BTBD9: variants seen among roughly 807,000 people sequenced by gnomAD.
BTBD9 encodes BTB/POZ domain-containing protein 9.
BTBD9 carries 49 observed loss-of-function variants against 64.3 expected under a neutral mutation model. That is an observed-to-expected ratio of 0.76 (90% CI 0.61 to 0.97). BTBD9 has a LOEUF of 0.97. Ranked by LOEUF, BTBD9 falls within the 50% of genes least tolerant of loss-of-function variation. The pLI is 0.00. For synonymous variants in BTBD9, 260 were observed against 274.7 expected (o/e 0.95, Z 0.53); for missense variants, 598 against 762.1 (o/e 0.78, Z 2.53).
At chr6:38,437,461 T>G (rs1446329136) in intron 6 of BTBD9, among the ~76,000 whole-genome samples, 1 of 152,238 alleles carries the variant, frequency 6.6e-6, no homozygotes, top group Non-Finnish European at 1.5e-5. Flanking sequence ...CCATTACTAT[T>G]AATTTTTACT....
intron 9 of BTBD9, among the ~76,000 whole-genome samples, chr6:38,221,916 G>A (rs1485026427): frequency 6.6e-6 from 1 of 152,102 alleles, no homozygotes; most frequent in African/African-American, 2.4e-5. Flanking sequence ...GCTTGAACCT[G>A]GGAGGCGGAG....
intron 6 of BTBD9, among the ~76,000 whole-genome samples, chr6:38,420,520 T>C (rs934916106): frequency 3.3e-5 from 5 of 152,144 alleles, no homozygotes; most frequent in African/African-American, 1.2e-4. Flanking sequence ...GCCATTAAAA[T>C]TGGTACCTGT....
At chr6:38,274,294 T>C (rs1206653781) in intron 8 of BTBD9, among the ~76,000 whole-genome samples, 1 of 152,188 alleles carries the variant, frequency 6.6e-6, no homozygotes, top group Non-Finnish European at 1.5e-5. Context: ...GACAATGGGA[T>C]TTTCTAGATA....
chr6:38,274,397 C>A (rs1765304110), intron 8 of BTBD9, among the ~76,000 whole-genome samples: 2 of 152,158 alleles, frequency 1.3e-5, no homozygotes, highest in South Asian at 4.2e-4. Flanking sequence ...ATTGCCCTGG[C>A]CAGAACTTCC....
Position 38,249,838 on chromosome 6 carries a change from C to T in BTBD9, c.1562+6571G>A, listed in dbSNP as rs116739897. ...TCAACAACGGGTAAATGTGGAGCTA[C>T]TCTGGCTTAGAAGCTTCACATTCCA... On this transcript the variant is annotated intron_variant, in intron 9 of 10. Coordinates refer to ENST00000481247, the MANE Select transcript of BTBD9 (RefSeq NM_001099272.2). 6.6e-3 allele frequency among the ~76,000 whole-genome samples: 1,006 copies of T among 151,496 alleles called. 3 individuals carry two copies. The highest frequency in any genetic ancestry group is 0.011 in the Non-Finnish European group (731 of 67,920).
intron 9 of BTBD9, among the ~76,000 whole-genome samples, chr6:38,226,118 CCT>C (rs2127512678): frequency 6.6e-6 from 1 of 152,276 alleles, no homozygotes; most frequent in South Asian, 2.1e-4. Flanking sequence ...TCTCACCTGC[CCT>C]CTCTGTTTCT....
chr6:38,330,046 T>C (rs1239430106), intron 7 of BTBD9, among the ~76,000 whole-genome samples: 2 of 134,896 alleles, frequency 1.5e-5, no homozygotes, highest in Non-Finnish European at 3.3e-5. Context: ...TTTCCTTTTT[T>C]TCTTTTCTTT....
intron 7 of BTBD9, among the ~76,000 whole-genome samples, chr6:38,336,708 G>A (rs1247050726): frequency 1.3e-5 from 2 of 152,170 alleles, no homozygotes; most frequent in Admixed American, 1.3e-4. Flanking sequence ...TCCACTAGGA[G>A]GTCTTCCTGA....
intron 6 of BTBD9, among the ~76,000 whole-genome samples, chr6:38,518,089 A>C (rs916691813): frequency 9.8e-5 from 15 of 152,372 alleles, no homozygotes; most frequent in African/African-American, 3.6e-4. Context: ...GACCAGGGCC[A>C]ATACAGTAGC....
chr6:38,193,747 C>T (rs1762180567), intron 9 of BTBD9: 2 of 941,500 alleles, frequency 2.1e-6, no homozygotes, highest in Non-Finnish European at 2.5e-6. Context: ...CTGCTGGAAG[C>T]TGTTTCCTGT....
At chr6:38,361,815 G>A (rs1764974078) in intron 6 of BTBD9, among the ~76,000 whole-genome samples, 1 of 151,848 alleles carries the variant, frequency 6.6e-6, no homozygotes, top group Admixed American at 6.6e-5. Flanking sequence ...ACTCCAGCCT[G>A]GGCAACAAGA....
At chr6:38,220,470 A>G (rs1195672405) in intron 9 of BTBD9, among the ~76,000 whole-genome samples, 1 of 152,238 alleles carries the variant, frequency 6.6e-6, no homozygotes, top group African/African-American at 2.4e-5. Flanking sequence ...TCCTTTCTGC[A>G]TGGTTTGAAA....
intron 9 of BTBD9, 63 bp from the exon 10 acceptor site, chr6:38,192,660 C>T (rs780233821): frequency 5.5e-6 from 8 of 1,454,628 alleles, no homozygotes; most frequent in Non-Finnish European, 7.7e-6. Flanking sequence ...GTAGTGTGGC[C>T]GATGGAGTCA....
intron 6 of BTBD9, among the ~76,000 whole-genome samples, chr6:38,414,376 GGCT>G (rs1156863412): frequency 6.6e-6 from 1 of 152,092 alleles, no homozygotes. Flanking sequence ...AGCTAATAGT[GGCT>G]CTCCCAATAA....
intron 6 of BTBD9, among the ~76,000 whole-genome samples, chr6:38,428,004 G>A (rs1768252475): frequency 6.6e-6 from 1 of 151,866 alleles, no homozygotes; most frequent in Admixed American, 6.5e-5. Context: ...ATAAGTCAAG[G>A]TACTTTTCTA....
chr6:38,552,247 C>T (rs904075627), intron 6 of BTBD9, among the ~76,000 whole-genome samples: 33 of 152,144 alleles, frequency 2.2e-4, no homozygotes, highest in Non-Finnish European at 2.9e-5. Flanking sequence ...GTATAGAAAT[C>T]GGAAGCAGTG....
intron 1 of BTBD9, among the ~76,000 whole-genome samples, chr6:38,637,210 T>C (rs951497956): frequency 3.3e-5 from 5 of 152,232 alleles, no homozygotes; most frequent in Non-Finnish European, 7.3e-5. Context: ...GGTTTATCTC[T>C]TCTGATGAAC....
intron 6 of BTBD9, among the ~76,000 whole-genome samples, chr6:38,345,472 G>A (rs1764243053): frequency 1.3e-5 from 2 of 152,228 alleles, no homozygotes; most frequent in Non-Finnish European, 2.9e-5. Flanking sequence ...ATGTGCTGGA[G>A]CACATGTGCA....
At chr6:38,557,015 C>CAAAAAAAAAAAAAAAA (rs397888418) in intron 6 of BTBD9, among the ~76,000 whole-genome samples, 2 of 15,408 alleles carry the variant, frequency 1.3e-4, no homozygotes, top group Non-Finnish European at 2.3e-4. Context: ...TCCATCTCAC[C>CAAAAAAAAAAAAAAAA]AAAAAAAAAA....
Sources: gnomAD v4.1 joint callset for allele counts (sites outside exome capture counted in the v4.1 genomes callset) on GRCh38, gnomAD v4.1.1 for gene constraint, MANE v1.5 for transcripts, NCBI Gene and HGNC (gene_info 2026-07-23, HGNC 2026-07-21) for gene names.